The following LIPA variants were observed in gnomAD, a reference collection of about 807,000 sequenced individuals.
LIPA encodes the protein lysosomal acid lipase/cholesteryl ester hydrolase.
Under a neutral mutation model 40.6 loss-of-function variants are expected in LIPA, and 26 were observed. The observed-to-expected ratio is 0.64, with a 90% CI of 0.47 to 0.89. LIPA has a LOEUF of 0.89. Among genes scored for constraint, LIPA ranks in the 40% least tolerant of loss-of-function variants. The pLI is 0.00. For synonymous variants in LIPA, 188 were observed against 168.4 expected, an observed-to-expected ratio of 1.12 and a Z score of -0.90; for missense variants, 455 against 479.6, an observed-to-expected ratio of 0.95 and a Z score of 0.48.
At chr10:89,252,257 G>A (rs141868840), upstream of LIPA, among the ~76,000 whole-genome samples, 19 of 152,300 alleles carry the variant, frequency 1.2e-4, no homozygotes, top group Non-Finnish European at 2.5e-4. Flanking sequence ...TATTATTAAA[G>A]ATTTGTTAAA....
chr10:89,316,410 G>A (rs1262209020), intron 1 of LIPA, among the ~76,000 whole-genome samples: 2 of 152,240 alleles, frequency 1.3e-5, no homozygotes, highest in African/African-American at 4.8e-5. Flanking sequence ...CAGAACACCA[G>A]GAGATTATAT....
rs187510914 is a variant in LIPA, at chr10:89,265,722, T to A, written c.-1-18073A>T. 1.2e-4 allele frequency among the ~76,000 whole-genome samples: 19 copies of A among 152,346 alleles called. No individual in the cohort carries two copies. The East Asian group carries it at 2.5e-3, about 20-fold the overall frequency. The stretch of plus-strand genomic sequence containing the variant: ...CATGGTGCTTGACTATAGACAAACA[T>A]TTTCCATTGGCTCCTCCTAAATTGC... On this transcript the variant is annotated intron_variant, in intron 1 of 5. Coordinates refer to the LIPA transcript ENST00000282673.
chr10:89,264,927 T>C (rs542110306), intron 1 of LIPA, among the ~76,000 whole-genome samples: 1 of 152,274 alleles, frequency 6.6e-6, no homozygotes, highest in Admixed American at 6.5e-5. Context: ...CTGGGCTGTT[T>C]GTGCTGAGGG....
intron 1 of LIPA, 140 bp downstream of exon 1, chr10:89,251,597 C>G (rs535823798): frequency 1.3e-5 from 2 of 152,356 alleles, no homozygotes; most frequent in Non-Finnish European, 2.9e-5. Flanking sequence ...CCGCAGGCAC[C>G]CCAGGCAAGA....
Position 89,403,579 on chromosome 10 carries a change from TAGATCTGGAA to T in LIPA, c.61+9202_61+9211del, listed in dbSNP as rs1844477833. The T allele has an allele frequency of 1.9e-6, 3 of 1,614,016 alleles. No homozygotes were observed. In the African/African-American group the frequency reaches 4.0e-5, roughly 22 times the overall value. ...TTAAGGAAACTTCGGAGAAAGGCAT[TAGATCTGGAA>T]AGCTTGAGCCTCCTTGGGTTCGTCT... On this transcript the variant is annotated intron_variant, in intron 2 of 8. Transcript: ENST00000371837.
At chr10:89,403,805 A>C in intron 2 of LIPA, 1 of 686,908 alleles carries the variant, frequency 1.5e-6, no homozygotes, top group Non-Finnish European at 2.4e-6. Flanking sequence ...GAAACATTAT[A>C]ATTCACTGTA....
chr10:89,221,589 A>G (rs1842699139), intron 8 of LIPA, among the ~76,000 whole-genome samples: 1 of 152,184 alleles, frequency 6.6e-6, no homozygotes, highest in Admixed American at 6.5e-5. Context: ...ACTATTCAAG[A>G]CACCTACAGT....
intron 1 of LIPA, among the ~76,000 whole-genome samples, chr10:89,296,554 C>T (rs898974642): frequency 1.4e-4 from 21 of 151,002 alleles, no homozygotes; most frequent in African/African-American, 4.4e-4. Context: ...GAAACTCTTG[C>T]GTAAGACACA....
chr10:89,363,168 C>A, intron 2 of LIPA: 1 of 223,400 alleles, frequency 4.5e-6, no homozygotes, highest in South Asian at 8.8e-5. Context: ...CTTCCTGCAT[C>A]ACCAGATAGG....
intron 9 of LIPA, among the ~76,000 whole-genome samples, 181 bp downstream of exon 9, chr10:89,215,757 A>C (rs1842617571): frequency 6.6e-6 from 1 of 152,240 alleles, no homozygotes; most frequent in Admixed American, 6.5e-5. Context: ...GAGGAGGCCC[A>C]GTCCACAACA....
intron 3 of LIPA, 43 bp downstream of exon 3, chr10:89,245,633 C>A (rs370295402): frequency 2.0e-6 from 2 of 997,272 alleles, no homozygotes; most frequent in South Asian, 2.5e-5. Flanking sequence ...TAACACAAAA[C>A]CCAGAAGAAT....
chr10:89,245,473 G>A (rs925505379), intron 3 of LIPA, among the ~76,000 whole-genome samples: 2 of 152,018 alleles, frequency 1.3e-5, no homozygotes, highest in Non-Finnish European at 1.5e-5. Flanking sequence ...AAATGAATCT[G>A]GCCTTTGAAC....
chr10:89,344,479 TG>T (rs1418074516), upstream of LIPA, among the ~76,000 whole-genome samples: 4 of 152,300 alleles, frequency 2.6e-5, no homozygotes, highest in East Asian at 7.7e-4. Context: ...ACGTAAATGA[TG>T]GGGCTACACA....
intron 4 of LIPA, among the ~76,000 whole-genome samples, chr10:89,227,709 T>C (rs1426616062): frequency 6.6e-6 from 1 of 152,206 alleles, no homozygotes; most frequent in Non-Finnish European, 1.5e-5. Context: ...CACCCTCTCC[T>C]TTAAGCCCCC....
chr10:89,219,530 A>G (rs1228169449), intron 8 of LIPA, among the ~76,000 whole-genome samples: 2 of 152,252 alleles, frequency 1.3e-5, no homozygotes, highest in East Asian at 3.8e-4. Flanking sequence ...TAACAAGTTA[A>G]TCCTAATTAT....
At position 89,225,308 on chromosome 10, in the gene LIPA, G is replaced by A. The variant is rs936614707; in HGVS notation, c.539-80C>T. The A allele has an allele frequency of 2.1e-5, 33 of 1,568,360 alleles. No individual in the cohort carries two copies. In the African/African-American group the frequency reaches 3.3e-4, roughly 16 times the overall value. ...AGAAAACACAAAGGCCGTCACTCGC[G>A]ACGCCCTCTCGCGGAGGCCTGAGAC... is the stretch of plus-strand genomic sequence containing the variant. On this transcript the variant is annotated intron_variant, in intron 5 of 9. Coordinates refer to ENST00000336233, the MANE Select transcript of LIPA (RefSeq NM_000235.4).
chr10:89,338,436 T>C (rs9663533), intron 1 of LIPA: 16,838 of 519,140 alleles, frequency 0.032, 986 homozygotes, highest in African/African-American at 0.18. Context: ...CTCAACAGAA[T>C]GGATAATGCC....
chr10:89,354,284 T>C (rs567518165), intron 2 of LIPA, among the ~76,000 whole-genome samples: 1 of 152,228 alleles, frequency 6.6e-6, no homozygotes, highest in Non-Finnish European at 1.5e-5. Flanking sequence ...GCCACCTTTC[T>C]GAACCAAATC....
At chr10:89,297,065 CA>C (rs945625851) in intron 1 of LIPA, among the ~76,000 whole-genome samples, 17 of 152,018 alleles carry the variant, frequency 1.1e-4, no homozygotes, top group Admixed American at 6.6e-4. Context: ...ATCTAGGAGA[CA>C]ACACTAGAAT....
Sources: allele counts gnomAD v4.1 joint callset (sites outside exome capture counted in the v4.1 genomes callset), GRCh38; gene constraint gnomAD v4.1.1; transcripts MANE v1.5; gene names NCBI Gene and HGNC (gene_info 2026-07-23, HGNC 2026-07-21).